The following RAB3C variants were observed in gnomAD, a reference collection of about 807,000 sequenced individuals.
RAB3C encodes the protein RAB3C, member RAS oncogene family.
A neutral mutation model predicts 26.4 loss-of-function variants in RAB3C; 17 were observed. The observed-to-expected ratio is 0.64, with a 90% confidence interval of 0.44 to 0.97. The LOEUF (loss-of-function observed/expected upper bound fraction) is 0.97, where lower values mean the gene tolerates loss of function less well. RAB3C is among the 50% of genes least tolerant of loss of function. The probability of loss-of-function intolerance (pLI) is 0.00; values close to 1 mark genes in which losing one functional copy is unlikely to be tolerated. For missense variants in RAB3C, 242 were observed against 281.9 expected, an observed-to-expected ratio of 0.86 and a Z score of 1.01; for synonymous variants, 91 against 95.9, an observed-to-expected ratio of 0.95 and a Z score of 0.30.
intron 2 of RAB3C, among the ~76,000 whole-genome samples, chr5:58,698,819 A>G (rs886156661): frequency 1.3e-5 from 2 of 152,076 alleles, no homozygotes; most frequent in Non-Finnish European, 2.9e-5. Flanking sequence ...CTAGTTAGCC[A>G]TTCGCCTAAT....
Position 58,583,153 on chromosome 5 carries a change from G to C in RAB3C, c.-56G>C. 1 of 1,613,446 alleles carries C rather than the reference G, an allele frequency of 6.2e-7. No homozygotes were observed. The highest frequency in any genetic ancestry group is 1.1e-5 in the South Asian group (1 of 90,942). ...TGGAGCGCCGGGACTGTGCACGCTT[G>C]ACCGGAAGCCCAGACCAGTGCGGTC... is the stretch of plus-strand genomic sequence containing the variant. On this transcript the variant is annotated 5_prime_UTR_variant, in exon 1 of 5. Coordinates refer to ENST00000282878, the MANE Select transcript of RAB3C (RefSeq NM_138453.4).
chr5:58,631,939 G>A (rs923034020), intron 2 of RAB3C, among the ~76,000 whole-genome samples: 1 of 152,208 alleles, frequency 6.6e-6, no homozygotes, highest in African/African-American at 2.4e-5. Flanking sequence ...TGTACATGTG[G>A]TTTTGAGAAT....
intron 3 of RAB3C, among the ~76,000 whole-genome samples, chr5:58,815,559 G>A (rs1359676504): frequency 6.6e-6 from 1 of 152,168 alleles, no homozygotes; most frequent in Non-Finnish European, 1.5e-5. Flanking sequence ...GGTATAAAAG[G>A]TTCTGTGGAA....
intron 4 of RAB3C, among the ~76,000 whole-genome samples, chr5:58,827,552 T>G (rs1048302598): frequency 6.6e-6 from 1 of 151,690 alleles, no homozygotes; most frequent in Admixed American, 6.6e-5. Flanking sequence ...ACTTTCCCAC[T>G]GCTCCATCGA....
intron 3 of RAB3C, among the ~76,000 whole-genome samples, chr5:58,809,489 G>A (rs1743020825): frequency 6.6e-6 from 1 of 151,864 alleles, no homozygotes; most frequent in South Asian, 2.1e-4. Flanking sequence ...AAAAGCAATG[G>A]AAGAATTTCA....
At chr5:58,759,013 G>A (rs555290034) in intron 3 of RAB3C, among the ~76,000 whole-genome samples, 2 of 152,070 alleles carry the variant, frequency 1.3e-5, no homozygotes, top group Non-Finnish European at 2.9e-5. Flanking sequence ...TCTGCACCAG[G>A]ATACAAATGA....
At chr5:58,698,432 T>C (rs570929696) in intron 2 of RAB3C, among the ~76,000 whole-genome samples, 1 of 152,294 alleles carries the variant, frequency 6.6e-6, no homozygotes, top group Non-Finnish European at 1.5e-5. Context: ...GGAGTATCTT[T>C]GTGGTGTTCA....
chr5:58,596,953 T>A (rs1193650685), intron 1 of RAB3C, among the ~76,000 whole-genome samples: 2 of 93,706 alleles, frequency 2.1e-5, no homozygotes, highest in African/African-American at 8.9e-5. Flanking sequence ...AATAATATGA[T>A]ACATAATATA....
intron 2 of RAB3C, among the ~76,000 whole-genome samples, chr5:58,680,330 C>A (rs1449971714): frequency 6.6e-6 from 1 of 152,058 alleles, no homozygotes; most frequent in Non-Finnish European, 1.5e-5. Context: ...GCCTAGAAAC[C>A]AGATCAAGAA....
At chr5:58,728,912 C>G (rs140183263) in intron 3 of RAB3C, among the ~76,000 whole-genome samples, 4 of 152,172 alleles carry the variant, frequency 2.6e-5, no homozygotes, top group Non-Finnish European at 5.9e-5. Flanking sequence ...CTTACCTGAA[C>G]TCCATCCTTT....
intron 2 of RAB3C, among the ~76,000 whole-genome samples, chr5:58,644,010 A>G (rs292992): frequency 0.8 from 121,660 of 151,786 alleles, 49,026 homozygotes; most frequent in African/African-American, 0.88. Context: ...TAGTAGAGTC[A>G]GAGTTTCACC....
At chr5:58,807,524 C>T (rs1011692646) in intron 3 of RAB3C, among the ~76,000 whole-genome samples, 5 of 152,138 alleles carry the variant, frequency 3.3e-5, no homozygotes, top group Admixed American at 1.3e-4. Flanking sequence ...CTGGGAAGTC[C>T]AAGATCAAGG....
intron 1 of RAB3C, among the ~76,000 whole-genome samples, chr5:58,596,030 A>C (rs1746239838): frequency 6.6e-6 from 1 of 152,002 alleles, no homozygotes; most frequent in Non-Finnish European, 1.5e-5. Flanking sequence ...CTGCTTGGCT[A>C]TTGGGAGGGA....
At chr5:58,757,450 C>T (rs879280688) in intron 3 of RAB3C, among the ~76,000 whole-genome samples, 70 of 152,038 alleles carry the variant, frequency 4.6e-4, no homozygotes, top group African/African-American at 1.5e-3. Flanking sequence ...CTGCCACACC[C>T]GCCCCCAACT....
chr5:58,672,852 G>T (rs867819770), intron 2 of RAB3C, among the ~76,000 whole-genome samples: 1 of 152,048 alleles, frequency 6.6e-6, no homozygotes, highest in African/African-American at 2.4e-5. Context: ...ATGCTCTGTG[G>T]GTCTTCTATC....
intron 4 of RAB3C, among the ~76,000 whole-genome samples, chr5:58,845,612 A>ATATATATATATATATATATATG: frequency 1.2e-5 from 1 of 81,744 alleles, no homozygotes; most frequent in Admixed American, 1.2e-4. Flanking sequence ...ATATATATAT[A>ATATATATATATATATATATATG]TGTGTGTGTG....
chr5:58,701,852 C>A (rs1000734934), intron 2 of RAB3C, among the ~76,000 whole-genome samples: 4 of 152,154 alleles, frequency 2.6e-5, no homozygotes, highest in African/African-American at 7.2e-5. Context: ...ATTGAGCCCA[C>A]CCAGAAATTA....
chr5:58,682,854 T>G (rs1748376127), intron 2 of RAB3C, among the ~76,000 whole-genome samples: 1 of 152,192 alleles, frequency 6.6e-6, no homozygotes, highest in Non-Finnish European at 1.5e-5. Flanking sequence ...TTTCTCAAGA[T>G]TTGGGGATTT....
intron 2 of RAB3C, among the ~76,000 whole-genome samples, chr5:58,655,789 CTTTTTT>C (rs34352086): frequency 7.6e-5 from 7 of 91,602 alleles, no homozygotes; most frequent in African/African-American, 1.7e-4. Flanking sequence ...AAACCTAACT[CTTTTTT>C]TTTTTTTTTT....
Sources: allele counts gnomAD v4.1 joint callset (sites outside exome capture counted in the v4.1 genomes callset), GRCh38; gene constraint gnomAD v4.1.1; transcripts MANE v1.5; gene names NCBI Gene and HGNC (gene_info 2026-07-23, HGNC 2026-07-21).